Variants in GRM8 observed in about 807,000 individuals in gnomAD.
GRM8 encodes the protein metabotropic glutamate receptor 8.
In GRM8, 47 loss-of-function variants were observed where a neutral mutation model predicts 87.2. That is an observed-to-expected ratio of 0.54 (90% CI 0.43 to 0.69). The LOEUF (loss-of-function observed/expected upper bound fraction) is 0.69. Among genes scored for constraint, GRM8 ranks in the 30% least tolerant of loss-of-function variants. The probability of loss-of-function intolerance (pLI) is 0.00; values close to 1 mark genes in which losing one functional copy is unlikely to be tolerated. For synonymous variants in GRM8, 396 were observed against 404.5 expected (o/e 0.98, Z 0.25); for missense variants, 1,019 against 1,139.2 (o/e 0.89, Z 1.52).
intron 7 of GRM8, among the ~76,000 whole-genome samples, chr7:126,720,418 CTG>C (rs1369294592): frequency 2.0e-5 from 3 of 152,146 alleles, no homozygotes; most frequent in Non-Finnish European, 1.5e-5. Context: ...GTGTGAGCAA[CTG>C]TGCCTGACCA....
At chr7:126,757,193 A>G (rs1270011417) in intron 7 of GRM8, among the ~76,000 whole-genome samples, 1 of 152,172 alleles carries the variant, frequency 6.6e-6, no homozygotes, top group East Asian at 1.9e-4. Context: ...CGGACATTTA[A>G]AAGTACAGAT....
intron 7 of GRM8, among the ~76,000 whole-genome samples, chr7:126,619,978 AAT>A (rs1184451720): frequency 2.6e-5 from 4 of 152,112 alleles, no homozygotes; most frequent in African/African-American, 7.2e-5. Context: ...GGCATGAATA[AAT>A]GTGCCCAGCC....
chr7:127,162,710 C>G (rs1563551155), intron 2 of GRM8, among the ~76,000 whole-genome samples: 2 of 152,136 alleles, frequency 1.3e-5, no homozygotes. Context: ...CTTAAATGAA[C>G]CAGAACTACT....
intron 3 of GRM8, among the ~76,000 whole-genome samples, chr7:126,969,999 T>A (rs1586629414): frequency 1.4e-5 from 1 of 70,162 alleles, no homozygotes; most frequent in Non-Finnish European, 3.6e-5. Context: ...GAAAGGAATC[T>A]TTTTTTTTTC....
At chr7:127,110,519 T>C (rs1268869020) in intron 2 of GRM8, among the ~76,000 whole-genome samples, 1 of 152,236 alleles carries the variant, frequency 6.6e-6, no homozygotes, top group Admixed American at 6.5e-5. Flanking sequence ...CATAAAAATA[T>C]CATATGTGCT....
At chr7:126,941,374 G>A (rs989503759) in intron 3 of GRM8, among the ~76,000 whole-genome samples, 7 of 151,048 alleles carry the variant, frequency 4.6e-5, no homozygotes, top group Admixed American at 6.6e-5. Flanking sequence ...TTGGGAGGCC[G>A]AAGCGGGTGG....
chr7:126,605,587 C>A (rs886472519), intron 8 of GRM8, among the ~76,000 whole-genome samples: 2 of 152,096 alleles, frequency 1.3e-5, no homozygotes, highest in African/African-American at 2.4e-5. Flanking sequence ...TAACCATATA[C>A]CCTCTTTGTA....
intron 2 of GRM8, among the ~76,000 whole-genome samples, chr7:127,185,980 G>C (rs1440555567): frequency 6.6e-6 from 1 of 152,158 alleles, no homozygotes; most frequent in East Asian, 1.9e-4. Context: ...ACAGGGGAAA[G>C]AGCTAAACAA....
At chr7:126,637,049 A>T (rs1801933424) in intron 7 of GRM8, among the ~76,000 whole-genome samples, 1 of 152,104 alleles carries the variant, frequency 6.6e-6, no homozygotes, top group African/African-American at 2.4e-5. Context: ...GAGGAAAAAA[A>T]TAACACTTTA....
chr7:126,877,909 C>T (rs1799669764), intron 6 of GRM8, among the ~76,000 whole-genome samples: 1 of 152,186 alleles, frequency 6.6e-6, no homozygotes, highest in Non-Finnish European at 1.5e-5. Flanking sequence ...CTTGATCATA[C>T]TTCTCACATC....
At chr7:126,976,954 A>G (rs1196169604) in intron 3 of GRM8, among the ~76,000 whole-genome samples, 1 of 151,754 alleles carries the variant, frequency 6.6e-6, no homozygotes, top group African/African-American at 2.4e-5. Context: ...TGAATGCAAC[A>G]CCTATTTTCC....
At chr7:127,069,616 G>A (rs1348886424) in intron 3 of GRM8, among the ~76,000 whole-genome samples, 1 of 152,216 alleles carries the variant, frequency 6.6e-6, no homozygotes, top group Non-Finnish European at 1.5e-5. Context: ...CAAGAGGAAA[G>A]TAGAGAACTG....
chr7:126,571,353 T>C (rs1794673843), intron 8 of GRM8, among the ~76,000 whole-genome samples: 1 of 152,114 alleles, frequency 6.6e-6, no homozygotes, highest in Non-Finnish European at 1.5e-5. Context: ...AGATAGGAAG[T>C]AATTTAGATT....
chr7:126,689,759 T>G (rs945064800), intron 7 of GRM8, among the ~76,000 whole-genome samples: 1 of 152,242 alleles, frequency 6.6e-6, no homozygotes, highest in Admixed American at 6.5e-5. Flanking sequence ...ATTTTAATTA[T>G]GTTTATATAT....
rs142116610 is a variant in GRM8, at chr7:126,706,419, C to G, written c.1357+63446G>C. Among the ~76,000 whole-genome samples the G allele has an allele frequency of 1.1e-3, 160 of 152,138 alleles. 1 individual carries two copies. The highest frequency in any genetic ancestry group is 3.8e-3 in the African/African-American group (157 of 41,518). On this transcript the variant is annotated intron_variant, in intron 7 of 10. Transcript: ENST00000339582. The stretch of plus-strand genomic sequence containing the variant: ...GAAGAGCTTATTTTTCAGTTCAAAT[C>G]AGAAGGCAGAGAAAAGCCAATGTCC...
intron 7 of GRM8, among the ~76,000 whole-genome samples, chr7:126,694,668 TAA>T (rs1809187866): frequency 1.3e-5 from 2 of 152,184 alleles, no homozygotes; most frequent in South Asian, 4.1e-4. Flanking sequence ...TGAAATATAC[TAA>T]GTCTTATTTT....
chr7:126,963,591 A>G (rs1008625086), intron 3 of GRM8, among the ~76,000 whole-genome samples: 1 of 152,194 alleles, frequency 6.6e-6, no homozygotes, highest in Non-Finnish European at 1.5e-5. Flanking sequence ...AAAATAAAAT[A>G]CCTAGAAATA....
chr7:126,595,747 G>A (rs141734068), intron 8 of GRM8, among the ~76,000 whole-genome samples: 1 of 152,178 alleles, frequency 6.6e-6, no homozygotes, highest in East Asian at 1.9e-4. Flanking sequence ...TCTTTATTCA[G>A]TCTACTGTTG....
intron 3 of GRM8, among the ~76,000 whole-genome samples, chr7:126,984,771 A>G (rs997217745): frequency 5.3e-5 from 8 of 152,154 alleles, no homozygotes; most frequent in Non-Finnish European, 1.0e-4. Context: ...CCTATTATCT[A>G]TGGAATCAAG....
Sources: gnomAD v4.1 joint callset for allele counts (sites outside exome capture counted in the v4.1 genomes callset) on GRCh38, gnomAD v4.1.1 for gene constraint, MANE v1.5 for transcripts, NCBI Gene and HGNC (gene_info 2026-07-23, HGNC 2026-07-21) for gene names.